The following WLS variants were observed in gnomAD, a reference collection of about 807,000 sequenced individuals.
WLS encodes protein wntless homolog.
Under a neutral mutation model 62.8 loss-of-function variants are expected in WLS, and 23 were observed. The observed-to-expected ratio is 0.37, with a 90% CI of 0.26 to 0.52. WLS has a LOEUF of 0.52. Ranked by LOEUF, WLS falls within the 20% of genes least tolerant of loss-of-function variation. The probability of loss-of-function intolerance (pLI) is 0.92; values close to 1 mark genes in which losing one functional copy is unlikely to be tolerated. For synonymous variants in WLS, 246 were observed against 244.1 expected (o/e 1.01, Z -0.07); for missense variants, 615 against 697.3 (o/e 0.88, Z 1.33).
At chr1:68,140,273 C>T (rs954969453) in intron 10 of WLS, among the ~76,000 whole-genome samples, 5 of 152,130 alleles carry the variant, frequency 3.3e-5, no homozygotes, top group Non-Finnish European at 5.9e-5. Flanking sequence ...CATTATACAA[C>T]ACAAGGGTAG....
chr1:68,224,570 G>A (rs12027526), intron 1 of WLS, among the ~76,000 whole-genome samples: 23,639 of 152,094 alleles, frequency 0.16, 2,268 homozygotes, highest in East Asian at 0.42. Flanking sequence ...AATTTCCTTT[G>A]GGGAGTGTTG....
At chr1:68,111,191 T>C (rs1646224756) in intron 11 of WLS, among the ~76,000 whole-genome samples, 1 of 152,348 alleles carries the variant, frequency 6.6e-6, no homozygotes, top group Middle Eastern at 3.4e-3. Flanking sequence ...ATTTTTGTTA[T>C]AGTAGCCTGA....
chr1:68,185,244 G>C (rs563694537), intron 2 of WLS, among the ~76,000 whole-genome samples: 2 of 152,184 alleles, frequency 1.3e-5, no homozygotes, highest in East Asian at 1.9e-4. Context: ...TTATAAATAC[G>C]CGTTCCCATG....
intron 5 of WLS, among the ~76,000 whole-genome samples, chr1:68,152,945 T>C (rs1261483328): frequency 1.3e-5 from 2 of 152,156 alleles, no homozygotes; most frequent in Admixed American, 6.5e-5. Context: ...TATCTGATTC[T>C]GACCACGGAA....
intron 2 of WLS, among the ~76,000 whole-genome samples, chr1:68,191,639 AATAAAGTT>A (rs1648311727): frequency 6.6e-6 from 1 of 152,166 alleles, no homozygotes; most frequent in African/African-American, 2.4e-5. Context: ...GCTGGGACTT[AATAAAGTT>A]TAAATGAACT....
intron 2 of WLS, among the ~76,000 whole-genome samples, chr1:68,176,057 G>A (rs1647245945): frequency 6.6e-6 from 1 of 152,204 alleles, no homozygotes; most frequent in Non-Finnish European, 1.5e-5. Context: ...CCATGAATGA[G>A]GAGGGGATAC....
At chr1:68,227,587 T>G (rs1430745125) in intron 1 of WLS, among the ~76,000 whole-genome samples, 1 of 151,868 alleles carries the variant, frequency 6.6e-6, no homozygotes, top group Non-Finnish European at 1.5e-5. Context: ...AACATGCTCT[T>G]TTAAAAAAGA....
At chr1:68,206,409 G>A (rs1649281193) in intron 1 of WLS, among the ~76,000 whole-genome samples, 2 of 152,196 alleles carry the variant, frequency 1.3e-5, no homozygotes, top group Non-Finnish European at 2.9e-5. Context: ...CACCACACCA[G>A]TTGAAGAAAA....
chr1:68,163,119 C>T, intron 2 of WLS: 1 of 1,476,806 alleles, frequency 6.8e-7, no homozygotes, highest in Non-Finnish European at 9.3e-7. Context: ...ACTCTCAGAT[C>T]AAAAGGCAAA....
chr1:68,159,990 G>A (rs556258313), intron 2 of WLS, among the ~76,000 whole-genome samples: 44 of 151,486 alleles, frequency 2.9e-4, no homozygotes, highest in Non-Finnish European at 5.2e-4. Flanking sequence ...AACTCATTAA[G>A]GAGATGAGAT....
intron 2 of WLS, chr1:68,186,559 C>G: frequency 2.2e-6 from 1 of 454,280 alleles, no homozygotes; most frequent in South Asian, 1.6e-5. Context: ...AATATTGTTA[C>G]AGGTGAATCT....
chr1:68,184,749 A>G (rs1647809521), intron 2 of WLS, among the ~76,000 whole-genome samples: 1 of 152,204 alleles, frequency 6.6e-6, no homozygotes, highest in Non-Finnish European at 1.5e-5. Context: ...TGACTCAATC[A>G]TAGATTTCCA....
intron 11 of WLS, among the ~76,000 whole-genome samples, chr1:68,110,651 ATCTCTGTCTCTCTCTCTC>A (rs1434485764): frequency 2.1e-4 from 27 of 126,178 alleles, no homozygotes; most frequent in Non-Finnish European, 3.3e-4. Context: ...GCCCCCAAAA[ATCTCTGTCTCTCTCTCTC>A]TCTCTCTCTC....
At chr1:68,188,355 A>T (rs1341455454) in intron 2 of WLS, among the ~76,000 whole-genome samples, 1 of 152,232 alleles carries the variant, frequency 6.6e-6, no homozygotes, top group East Asian at 1.9e-4. Flanking sequence ...TGGCAGAAGA[A>T]TGATACAATC....
At chr1:68,230,588 C>CGTGTGT (rs145944948) in intron 1 of WLS, among the ~76,000 whole-genome samples, 3,903 of 149,110 alleles carry the variant, frequency 0.026, 72 homozygotes, top group East Asian at 0.09. Context: ...TGTGTGCGCG[C>CGTGTGT]GTGTGTGTGT....
chr1:68,208,314 G>C lies in WLS; in HGVS notation c.107-14087C>G, dbSNP rs558473080. ...TTCCCCTCCTCTCTTCAGATAAAGA[G>C]AATGCTGGTTTTGCCTCTTCTGTCA... On this transcript the variant is annotated intron_variant, in intron 1 of 11. Coordinates refer to ENST00000262348, the MANE Select transcript of WLS (RefSeq NM_024911.7). Among the ~76,000 whole-genome samples the C allele has an allele frequency of 2.6e-5, 4 of 152,274 alleles. 1 individual carries two copies. In the South Asian group the frequency reaches 8.3e-4, roughly 32 times the overall value.
At chr1:68,209,202 A>C (rs1339851132) in intron 1 of WLS, among the ~76,000 whole-genome samples, 1 of 152,194 alleles carries the variant, frequency 6.6e-6, no homozygotes, top group Non-Finnish European at 1.5e-5. Context: ...CCTGGGGAGC[A>C]AAACTGCTTC....
chr1:68,140,932 C>A (rs552141776), intron 10 of WLS, among the ~76,000 whole-genome samples: 216 of 152,120 alleles, frequency 1.4e-3, no homozygotes, highest in African/African-American at 4.6e-3. Flanking sequence ...CAGTCTCCCC[C>A]CTTTTAACTT....
intron 1 of WLS, among the ~76,000 whole-genome samples, chr1:68,217,981 A>G (rs1649799576): frequency 6.6e-6 from 1 of 152,222 alleles, no homozygotes; most frequent in Admixed American, 6.5e-5. Context: ...GATTTTGAAA[A>G]TGAATTTCCC....
Sources: gnomAD v4.1 joint callset for allele counts (sites outside exome capture counted in the v4.1 genomes callset) on GRCh38, gnomAD v4.1.1 for gene constraint, MANE v1.5 for transcripts, NCBI Gene and HGNC (gene_info 2026-07-23, HGNC 2026-07-21) for gene names.